PDE8B: variants seen among roughly 807,000 people sequenced by gnomAD.
PDE8B encodes the protein phosphodiesterase 8B, also known as high affinity cAMP-specific and IBMX-insensitive 3',5'-cyclic phosphodiesterase 8B.
Under a neutral mutation model 101.3 loss-of-function variants are expected in PDE8B, and 26 were observed. That is an observed-to-expected ratio of 0.26 (90% CI 0.19 to 0.36). The LOEUF is 0.36. PDE8B is among the 10% of genes least tolerant of loss of function. The pLI, the probability that PDE8B is intolerant of heterozygous loss-of-function variation, is 1.00. For missense variants in PDE8B, 810 were observed against 1,163.1 expected (o/e 0.70, Z 4.42); for synonymous variants, 424 against 429.3 (o/e 0.99, Z 0.15).
Position 77,266,761 on chromosome 5 carries a change from A to G in PDE8B, c.340-45233A>G, listed in dbSNP as rs557669340. 2.9e-4 allele frequency among the ~76,000 whole-genome samples: 44 copies of G among 152,320 alleles called. No homozygotes were observed. The South Asian group carries it at 8.7e-3, about 30-fold the overall frequency. Reference sequence around the variant, plus strand: ...TAAAACATAACTACCTTGCATAAAGAGAATCAACTGTATGTCTTTTTCTGC... The same window carrying G: ...TAAAACATAACTACCTTGCATAAAGGGAATCAACTGTATGTCTTTTTCTGC... On this transcript the variant is annotated intron_variant, in intron 1 of 21. Coordinates refer to ENST00000264917, the MANE Select transcript of PDE8B (RefSeq NM_003719.5).
the PDE8B span, among the ~76,000 whole-genome samples, chr5:77,110,875 G>A: frequency 9.2e-5 from 14 of 152,142 alleles, no homozygotes; most frequent in Admixed American, 8.5e-4. Context: ...CTGCTATTCA[G>A]CCAGTTTCCT....
chr5:77,146,226 C>G, the PDE8B span: 1 of 152,130 alleles, frequency 6.6e-6, no homozygotes, highest in African/African-American at 2.4e-5. Flanking sequence ...ATGAGGTTCT[C>G]AGGGACCTTG....
At chr5:77,158,095 T>A in the PDE8B span, among the ~76,000 whole-genome samples, 28 of 152,324 alleles carry the variant, frequency 1.8e-4, 1 homozygote, top group Admixed American at 1.6e-3. Flanking sequence ...TTGTCCTGGG[T>A]CATGCAGCTA....
chr5:77,138,339 T>A, the PDE8B span, among the ~76,000 whole-genome samples: 1 of 152,182 alleles, frequency 6.6e-6, no homozygotes, highest in Non-Finnish European at 1.5e-5. Context: ...TTGGGACAGG[T>A]GACACTTTTC....
chr5:77,201,523 C>A, the PDE8B span, among the ~76,000 whole-genome samples: 1 of 152,166 alleles, frequency 6.6e-6, no homozygotes, highest in East Asian at 1.9e-4. Flanking sequence ...TTTCTAGACT[C>A]AAGATTCTGG....
chr5:77,156,724 A>G, the PDE8B span, among the ~76,000 whole-genome samples: 1 of 152,054 alleles, frequency 6.6e-6, no homozygotes, highest in African/African-American at 2.4e-5. Flanking sequence ...ACCATAGGGG[A>G]GGCAGGAAAG....
In PDE8B at chr5:77,408,937, A is replaced by G. The variant is rs1351520025; in HGVS notation, c.1410A>G (p.Thr470=). 1.9e-6 allele frequency: 3 copies of G among 1,613,416 alleles called. No individual in the cohort carries two copies. The highest frequency in any genetic ancestry group is 2.5e-6 in the Non-Finnish European group (3 of 1,179,420). The change falls in exon 14 of 22, where the codon ACA becomes ACG. Residue 470 remains threonine, a synonymous_variant. Coordinates refer to ENST00000264917, the MANE Select transcript of PDE8B (RefSeq NM_003719.5). ...INAAQENSPV[T]VAEALDRVLE... Reference sequence around the variant, plus strand: ...CAGCCCAAGAAAACAGCCCAGTCACAGTAGCGGAAGCCTTGGACAGAGTTC... The same window carrying G: ...CAGCCCAAGAAAACAGCCCAGTCACGGTAGCGGAAGCCTTGGACAGAGTTC...
upstream of PDE8B, among the ~76,000 whole-genome samples, chr5:77,207,933 C>T (rs1328795495): frequency 1.3e-5 from 2 of 152,162 alleles, no homozygotes; most frequent in Admixed American, 6.5e-5. Context: ...AACTGTATAC[C>T]TAGTGCATTT....
At chr5:77,308,343 G>A (rs1172017394) in intron 1 of PDE8B, among the ~76,000 whole-genome samples, 5 of 152,190 alleles carry the variant, frequency 3.3e-5, no homozygotes, top group African/African-American at 7.2e-5. Context: ...CACCCACGCC[G>A]GTAGTGCAGG....
At chr5:77,370,790 T>G (rs1397657949) in intron 10 of PDE8B, among the ~76,000 whole-genome samples, 3 of 152,208 alleles carry the variant, frequency 2.0e-5, no homozygotes, top group Non-Finnish European at 4.4e-5. Context: ...GTATGAGGGA[T>G]TCAGTTGCTG....
chr5:77,196,328 T>C, the PDE8B span, among the ~76,000 whole-genome samples: 1 of 152,214 alleles, frequency 6.6e-6, no homozygotes, highest in Non-Finnish European at 1.5e-5. Context: ...TTTGGTATCA[T>C]ATTTAAGAAA....
At chr5:77,426,161 T>A (rs1355675040) in intron 21 of PDE8B, 1 of 590,312 alleles carries the variant, frequency 1.7e-6, no homozygotes, top group Non-Finnish European at 3.0e-6. Context: ...CAAAGCTTAC[T>A]GCAGTGTTTT....
chr5:77,351,530 G>A (rs1581190291), intron 9 of PDE8B, among the ~76,000 whole-genome samples: 2 of 152,066 alleles, frequency 1.3e-5, no homozygotes, highest in Non-Finnish European at 1.5e-5. Flanking sequence ...TGAGGCCCTC[G>A]CTCCATGCTG....
At chr5:77,273,032 G>A (rs1763106876) in intron 1 of PDE8B, among the ~76,000 whole-genome samples, 1 of 152,216 alleles carries the variant, frequency 6.6e-6, no homozygotes, top group Non-Finnish European at 1.5e-5. Context: ...TGAATTTAAA[G>A]AAACTTGCTT....
At chr5:77,404,663 T>C in intron 11 of PDE8B, 57 bp from the exon 12 acceptor site, 1 of 979,920 alleles carries the variant, frequency 1.0e-6, no homozygotes. Flanking sequence ...TGTTTGAATC[T>C]CTTCTGTGAA....
At chr5:77,330,492 C>T (rs1029740264) in intron 4 of PDE8B, among the ~76,000 whole-genome samples, 1 of 152,116 alleles carries the variant, frequency 6.6e-6, no homozygotes, top group Non-Finnish European at 1.5e-5. Flanking sequence ...CCCTTGGAAC[C>T]CTTTTTGTGG....
At chr5:77,350,806 G>C (rs1407742580) in intron 8 of PDE8B, among the ~76,000 whole-genome samples, 1 of 152,166 alleles carries the variant, frequency 6.6e-6, no homozygotes, top group East Asian at 1.9e-4. Context: ...GCAGCCATAG[G>C]GCTGAGAGCA....
chr5:77,331,414 T>C lies in PDE8B; in HGVS notation c.663T>C (p.His221=). 1.2e-6 allele frequency: 2 copies of C among 1,613,870 alleles called. No individual in the cohort carries two copies. ...TGCTTTGCTGCAGATCGGATGACCA[T>C]GAAGAGGCGTCAGTCCTTCCTCTTC... is the stretch of plus-strand genomic sequence containing the variant. ...LAVVSRVSDD[H]EEASVLPLLH... is the part of the protein sequence containing the mutation. Residue 221 remains histidine, a synonymous_variant, in exon 5 of 22, where the codon CAT becomes CAC. Transcript: ENST00000264917.
chr5:77,258,898 G>A (rs995445488), intron 1 of PDE8B, among the ~76,000 whole-genome samples: 4 of 151,780 alleles, frequency 2.6e-5, no homozygotes, highest in Non-Finnish European at 5.9e-5. Context: ...GTTCCTCAGG[G>A]TCTGGGCAGG....
Sources: gnomAD v4.1 joint callset for allele counts (sites outside exome capture counted in the v4.1 genomes callset) on GRCh38, gnomAD v4.1.1 for gene constraint, MANE v1.5 for transcripts, NCBI Gene and HGNC (gene_info 2026-07-23, HGNC 2026-07-21) for gene names.